The following AXDND1 variants were observed in gnomAD, a reference collection of about 807,000 sequenced individuals.
AXDND1 encodes axonemal dynein light chain domain containing 1.
A neutral mutation model predicts 137.5 loss-of-function variants in AXDND1; 110 were observed. That is an observed-to-expected ratio of 0.80 (90% CI 0.69 to 0.94). The LOEUF (loss-of-function observed/expected upper bound fraction) is 0.94, where lower values mean the gene tolerates loss of function less well. AXDND1 is among the 40% of genes least tolerant of loss of function. The pLI, the probability that AXDND1 is intolerant of heterozygous loss-of-function variation, is 0.00. For synonymous variants in AXDND1, 414 were observed against 399.7 expected, an observed-to-expected ratio of 1.04 and a Z score of -0.43; for missense variants, 1,191 against 1,169.8, an observed-to-expected ratio of 1.02 and a Z score of -0.26.
At chr1:179,510,582 G>A (rs989477929) in intron 21 of AXDND1, among the ~76,000 whole-genome samples, 2 of 152,040 alleles carry the variant, frequency 1.3e-5, no homozygotes, top group African/African-American at 2.4e-5. Context: ...ATTATAAATT[G>A]TAAATTATAG....
rs184791468 is a variant in AXDND1, at chr1:179,444,849, A to G, written c.1564-121A>G. On this transcript the variant is annotated intron_variant, in intron 15 of 25. Coordinates refer to ENST00000367618, the MANE Select transcript of AXDND1 (RefSeq NM_144696.6). Reference sequence around the variant, plus strand: ...TCATATACCATCTCTTTGGAGCATAATAATAATAGGATATGCAACTCCAAA... The same window carrying G: ...TCATATACCATCTCTTTGGAGCATAGTAATAATAGGATATGCAACTCCAAA... 581 of 601,256 alleles carry G rather than the reference A, an allele frequency of 9.7e-4. 1 individual carries two copies. The African/African-American group carries it at 9.9e-3, about 10-fold the overall frequency. The allele number at this position is 601,256 out of a possible 1,614,324, so 37.2% of individuals were successfully genotyped here.
At chr1:179,416,217 C>G (rs1654687489) in intron 12 of AXDND1, among the ~76,000 whole-genome samples, 1 of 152,160 alleles carries the variant, frequency 6.6e-6, no homozygotes. Context: ...GCTTATTTCA[C>G]TTAACAAAAT....
rs200406676 is a variant in AXDND1 at position 179,551,468 on chromosome 1, G to A, written c.3032-3044G>A. ...AGCAATCATCTAGAAAACATGTGAC[G>A]AAAGCAAAGTGATTGTTCTTCATTC... On this transcript the variant is annotated intron_variant, in intron 25 of 25. Transcript: ENST00000367618. 278 of 1,612,474 alleles carry A rather than the reference G, an allele frequency of 1.7e-4. No individual in the cohort carries two copies. The highest frequency in any genetic ancestry group is 2.1e-4 in the Non-Finnish European group (246 of 1,179,996).
chr1:179,532,378 A>G (rs2125702873), intron 23 of AXDND1, among the ~76,000 whole-genome samples: 1 of 152,326 alleles, frequency 6.6e-6, no homozygotes, highest in African/African-American at 2.4e-5. Context: ...GTGGAATTCC[A>G]GTTCTAGAAG....
In AXDND1 at chr1:179,463,550, A is replaced by T. The variant is rs574428545; in HGVS notation, c.1799-4893A>T. ...AGCTTTACTTCCAACTATGTGGTCA[A>T]TTTTGGAATAAGTGCGATGTGATGC... On this transcript the variant is annotated intron_variant, in intron 16 of 25. Transcript: ENST00000367618. Among the ~76,000 whole-genome samples the T allele has an allele frequency of 6.6e-5, 10 of 152,332 alleles. No individual in the cohort carries two copies. In the East Asian group the frequency reaches 1.7e-3, roughly 26 times the overall value.
intron 20 of AXDND1, among the ~76,000 whole-genome samples, chr1:179,509,066 A>G (rs1214405448): frequency 3.9e-5 from 6 of 152,182 alleles, no homozygotes; most frequent in Non-Finnish European, 8.8e-5. Context: ...ACGGCACTTC[A>G]CTACTCCCTG....
intron 9 of AXDND1, among the ~76,000 whole-genome samples, chr1:179,389,247 A>G (rs1278886358): frequency 6.6e-6 from 1 of 152,202 alleles, no homozygotes; most frequent in Non-Finnish European, 1.5e-5. Flanking sequence ...TGCTGGGACT[A>G]CAGGTGTGAG....
At chr1:179,389,522 C>T (rs1649789793) in intron 9 of AXDND1, among the ~76,000 whole-genome samples, 1 of 152,102 alleles carries the variant, frequency 6.6e-6, no homozygotes, top group South Asian at 2.1e-4. Flanking sequence ...TGCAGTAGTC[C>T]TACACTTGCC....
intron 12 of AXDND1, among the ~76,000 whole-genome samples, chr1:179,425,864 T>G (rs1571780046): frequency 2.2e-5 from 3 of 135,970 alleles, no homozygotes; most frequent in East Asian, 2.2e-4. Context: ...TGAGACAGAG[T>G]CTCACTCTGT....
In AXDND1 at chr1:179,491,594, G is replaced by T; in HGVS notation, c.2148G>T (p.Met716Ile). Residue 716 changes from methionine (M) to isoleucine (I), a missense_variant, in exon 19 of 26, where the codon ATG (methionine) becomes ATT (isoleucine). Physicochemically the swap from Met to Ile is conservative, Grantham distance 10. Coordinates refer to ENST00000367618, the MANE Select transcript of AXDND1 (RefSeq NM_144696.6). ...IQWMVNLLIL[M>I]IPNFTDQDCL... The stretch of plus-strand genomic sequence containing the variant: ...GGATGGTAAACTTGCTGATTTTAAT[G>T]ATACCCAACTTTACTGACCAAGACT... The T allele has an allele frequency of 4.3e-6, 7 of 1,613,438 alleles. No individual in the cohort carries two copies. The highest frequency in any genetic ancestry group is 5.9e-6 in the Non-Finnish European group (7 of 1,179,414).
chr1:179,419,494 A>G (rs1476460314), intron 12 of AXDND1, among the ~76,000 whole-genome samples: 2 of 149,492 alleles, frequency 1.3e-5, no homozygotes, highest in South Asian at 2.2e-4. Context: ...TGCGCCTGCA[A>G]TCGCAGGCAC....
chr1:179,553,260 C>T (rs964940436), intron 25 of AXDND1, among the ~76,000 whole-genome samples: 3 of 152,186 alleles, frequency 2.0e-5, no homozygotes, highest in African/African-American at 7.2e-5. Flanking sequence ...CTTCTAGATA[C>T]AGACCCAAGA....
intron 21 of AXDND1, 107 bp downstream of exon 21, chr1:179,509,510 C>T (rs1263406723): frequency 7.1e-6 from 5 of 708,522 alleles, no homozygotes; most frequent in South Asian, 2.1e-5. Context: ...TGTTCATTTA[C>T]CCTAACATAT....
intron 25 of AXDND1, chr1:179,551,433 C>A: frequency 1.2e-6 from 2 of 1,613,574 alleles, no homozygotes; most frequent in Non-Finnish European, 1.7e-6. Context: ...GCAGCCTTTT[C>A]CGCTTCTGCA....
At position 179,374,524 on chromosome 1, in the gene AXDND1, A is replaced by G. The variant is rs1668378357; in HGVS notation, c.375-4113A>G. On this transcript the variant is annotated intron_variant, in intron 4 of 25. Transcript: ENST00000367618. ...CATGCTACTATAAAGACACATGCAC[A>G]CATATGTTTATTGCGGCACTATTCA... is the stretch of plus-strand genomic sequence containing the variant. Among the ~76,000 whole-genome samples the G allele has an allele frequency of 2.0e-5, 3 of 152,234 alleles. 1 individual carries two copies. In the South Asian group the frequency reaches 6.2e-4, roughly 32 times the overall value.
chr1:179,476,556 G>GTTTT (rs71569254), intron 17 of AXDND1, among the ~76,000 whole-genome samples: 66 of 150,532 alleles, frequency 4.4e-4, no homozygotes, highest in African/African-American at 1.5e-3. Context: ...AAATTCTTCG[G>GTTTT]TTTTTTTTTT....
At chr1:179,380,702 ATAATAT>A (rs1648121918) in intron 6 of AXDND1, among the ~76,000 whole-genome samples, 2 of 152,222 alleles carry the variant, frequency 1.3e-5, no homozygotes, top group Non-Finnish European at 2.9e-5. Flanking sequence ...TATGTATGTT[ATAATAT>A]ATTGCATTTC....
chr1:179,546,165 G>A (rs1303668339), intron 25 of AXDND1: 3 of 152,168 alleles, frequency 2.0e-5, no homozygotes, highest in African/African-American at 7.2e-5. Flanking sequence ...GATGAACCAG[G>A]GATGTTGAGA....
intron 8 of AXDND1, among the ~76,000 whole-genome samples, chr1:179,384,309 C>T (rs1648854732): frequency 6.6e-6 from 1 of 152,130 alleles, no homozygotes; most frequent in Non-Finnish European, 1.5e-5. Context: ...GAGTTGGAGA[C>T]ATCATGCCTC....
Sources: allele counts gnomAD v4.1 joint callset (sites outside exome capture counted in the v4.1 genomes callset), GRCh38; gene constraint gnomAD v4.1.1; transcripts MANE v1.5; gene names NCBI Gene and HGNC (gene_info 2026-07-23, HGNC 2026-07-21).